Variants in DOCK3 observed in about 807,000 individuals in gnomAD.
DOCK3 encodes dedicator of cytokinesis protein 3.
In DOCK3, 60 loss-of-function variants were observed where a neutral mutation model predicts 265.6. The observed-to-expected ratio is 0.23, with a 90% confidence interval of 0.18 to 0.28. The LOEUF (loss-of-function observed/expected upper bound fraction) is 0.28. DOCK3 is among the 10% of genes least tolerant of loss of function. The pLI, the probability that DOCK3 is intolerant of heterozygous loss-of-function variation, is 1.00. For missense variants in DOCK3, 1,981 were observed against 2,594.3 expected (o/e 0.76, Z 5.14); for synonymous variants, 881 against 938.0 (o/e 0.94, Z 1.11).
At chr3:51,112,262 A>T (rs909831988) in intron 9 of DOCK3, among the ~76,000 whole-genome samples, 1 of 152,198 alleles carries the variant, frequency 6.6e-6, no homozygotes, top group Admixed American at 6.5e-5. Context: ...ATGCATGCAT[A>T]TGTTCATTGT....
chr3:50,792,324 T>G (rs1312737899), intron 2 of DOCK3, among the ~76,000 whole-genome samples: 1 of 152,210 alleles, frequency 6.6e-6, no homozygotes, highest in Non-Finnish European at 1.5e-5. Context: ...GAGACTTTGC[T>G]GAAGTTGTTT....
At chr3:51,277,514 G>T in intron 25 of DOCK3, 94 bp from the exon 26 acceptor site, 1 of 1,429,862 alleles carries the variant, frequency 7.0e-7, no homozygotes, top group Non-Finnish European at 9.2e-7. Context: ...GAATCCAGAA[G>T]ACTACTGCTG....
chr3:50,816,862 C>T (rs1389062881), intron 2 of DOCK3, among the ~76,000 whole-genome samples: 2 of 151,832 alleles, frequency 1.3e-5, no homozygotes, highest in African/African-American at 2.4e-5. Context: ...AGTGCAGTGG[C>T]GTGATCACAG....
rs554664888 is a variant in DOCK3, at chr3:50,708,296, T to TG, written c.37+33000dup. Among the ~76,000 whole-genome samples, 5 of 152,276 alleles carry TG rather than the reference T, an allele frequency of 3.3e-5. No homozygotes were observed. In the East Asian group the frequency reaches 9.7e-4, roughly 29 times the overall value. On this transcript the variant is annotated intron_variant, in intron 1 of 52. Transcript: ENST00000266037. ...CCTTGTGTAGGTGGCTCTCAGGCTG[T>TG]GGGGAGTGCATGCTTCTGTTCTTTT...
intron 4 of DOCK3, among the ~76,000 whole-genome samples, chr3:50,895,559 AG>A (rs1357066041): frequency 6.6e-6 from 1 of 152,092 alleles, no homozygotes; most frequent in African/African-American, 2.4e-5. Flanking sequence ...ATACATGTGC[AG>A]AATGTGCAGG....
rs1366131591 is a variant in DOCK3, at chr3:51,382,886, A to AT, written c.*1330dup. The AT allele has an allele frequency of 6.6e-6, 1 of 152,308 alleles. No individual in the cohort carries two copies. 9.4% of individuals were successfully genotyped at this position (152,308 alleles called of 1,614,324 possible). The stretch of plus-strand genomic sequence containing the variant: ...GCACTGATTTTCCTCTCAGTTTATT[A>AT]TTTGGGGGGATAGGGTCAGGTGGGT... On this transcript the variant is annotated 3_prime_UTR_variant, in exon 53 of 53. Coordinates refer to ENST00000266037, the MANE Select transcript of DOCK3 (RefSeq NM_004947.5).
chr3:50,725,956 G>A (rs995061135), intron 1 of DOCK3, among the ~76,000 whole-genome samples: 3 of 152,044 alleles, frequency 2.0e-5, no homozygotes, highest in East Asian at 1.9e-4. Context: ...TTCTTACAGG[G>A]TACACCCTTT....
At chr3:50,700,086 C>G (rs1180681328) in intron 1 of DOCK3, among the ~76,000 whole-genome samples, 1 of 152,102 alleles carries the variant, frequency 6.6e-6, no homozygotes, top group African/African-American at 2.4e-5. Flanking sequence ...CGAGACCAGT[C>G]TGGCCAACAT....
At chr3:50,742,821 A>T (rs945045718) in intron 1 of DOCK3, among the ~76,000 whole-genome samples, 1 of 152,188 alleles carries the variant, frequency 6.6e-6, no homozygotes, top group African/African-American at 2.4e-5. Context: ...GCAGGCCAAC[A>T]TTCAGATTCA....
At chr3:50,738,695 G>A (rs1278270593) in intron 1 of DOCK3, among the ~76,000 whole-genome samples, 1 of 152,130 alleles carries the variant, frequency 6.6e-6, no homozygotes, top group Admixed American at 6.5e-5. Flanking sequence ...CCAGCATTTT[G>A]TCAGTGTCAT....
chr3:50,974,167 T>G (rs1222343315), intron 5 of DOCK3, among the ~76,000 whole-genome samples: 44 of 152,086 alleles, frequency 2.9e-4, no homozygotes, highest in Non-Finnish European at 4.3e-4. Context: ...GTCAATTTTG[T>G]CTTTTGTTGC....
intron 2 of DOCK3, among the ~76,000 whole-genome samples, chr3:50,807,081 C>G (rs1211337827): frequency 6.6e-6 from 1 of 152,172 alleles, no homozygotes; most frequent in African/African-American, 2.4e-5. Context: ...ACACTGCATT[C>G]TTCGGAATCC....
At position 51,231,121 on chromosome 3, in the gene DOCK3, C is replaced by CTTTTTT. The variant is rs754271357; in HGVS notation, c.1917+1532_1917+1537dup. ...TTCGCCAGCATCTGTTATTTTTTGACTTTTTTTTTTTTTTTTTTTTTTTTT... is the reference window on the plus strand; with the variant it reads ...TTCGCCAGCATCTGTTATTTTTTGACTTTTTTTTTTTTTTTTTTTTTTTTTTTTTTT... On this transcript the variant is annotated intron_variant, in intron 19 of 52. Transcript: ENST00000266037. 1.8e-3 allele frequency among the ~76,000 whole-genome samples: 142 copies of CTTTTTT among 77,740 alleles called. 2 individuals are homozygous for CTTTTTT. The highest frequency in any genetic ancestry group is 2.6e-3 in the African/African-American group (52 of 19,760). The allele number at this position is 77,740 out of a possible 152,430, so 51.0% of individuals were successfully genotyped here. A position where few individuals can be genotyped will look rare whatever the true frequency, so the allele number is the denominator to read the frequency against.
At chr3:50,775,105 G>A (rs954694120) in intron 1 of DOCK3, among the ~76,000 whole-genome samples, 1 of 151,922 alleles carries the variant, frequency 6.6e-6, no homozygotes, top group East Asian at 1.9e-4. Context: ...AAGATTAGCC[G>A]TAATTTTCCT....
At chr3:50,918,624 A>T (rs2050263502) in intron 4 of DOCK3, among the ~76,000 whole-genome samples, 1 of 151,158 alleles carries the variant, frequency 6.6e-6, no homozygotes, top group African/African-American at 2.5e-5. Context: ...TTTTTCTTGT[A>T]AATTTGTTTA....
Position 51,375,749 on chromosome 3 carries a change from C to A in DOCK3, c.5414C>A (p.Pro1805Gln), listed in dbSNP as rs767361798. ...GTAATGTTTATCTCCTTCCTTCAGC[C>A]GCCGAATTTCCAGCGAGCCCTGTTC... The part of the protein sequence containing the change: ...YPAAILENGQ[P>Q]PNFQRALFQQ... The change falls in exon 51 of 53, where the codon CCG becomes CAG. Residue 1805 changes from proline to glutamine, a missense_variant and splice_region_variant. Around this residue, in one of 4 missense-constraint regions of DOCK3, gnomAD observed 1,357 missense variants for 1,866.8 expected, o/e 0.73. Transcript: ENST00000266037. The A allele has an allele frequency of 6.2e-7, 1 of 1,613,948 alleles. No homozygotes were observed. Among genetic ancestry groups the A allele is most frequent in the East Asian group, 2.2e-5 (1 of 44,882 alleles).
intron 35 of DOCK3, chr3:51,336,801 G>A (rs1045873119): frequency 2.2e-6 from 1 of 449,360 alleles, no homozygotes; most frequent in Non-Finnish European, 4.5e-6. Context: ...TAGCTATGAA[G>A]TTCTGGTTAT....
chr3:51,217,708 G>A (rs1027450776), intron 14 of DOCK3, among the ~76,000 whole-genome samples: 1 of 152,046 alleles, frequency 6.6e-6, no homozygotes, highest in Admixed American at 6.6e-5. Flanking sequence ...GGTGTTCCAG[G>A]TAAACAAATG....
At chr3:51,329,109 C>T (rs1046719781) in intron 32 of DOCK3, among the ~76,000 whole-genome samples, 16 of 152,172 alleles carry the variant, frequency 1.1e-4, no homozygotes, top group African/African-American at 2.4e-4. Flanking sequence ...GCCGAGATCG[C>T]GCCTGTGCAC....
Sources: gnomAD v4.1 joint callset for allele counts (sites outside exome capture counted in the v4.1 genomes callset) on GRCh38, gnomAD v4.1.1 for gene constraint, gnomAD v4.1.1 regional missense constraint, MANE v1.5 for transcripts, NCBI Gene and HGNC (gene_info 2026-07-23, HGNC 2026-07-21) for gene names.